NDEL1: variants seen among roughly 807,000 people sequenced by gnomAD.
NDEL1 encodes nudE neurodevelopment protein 1 like 1, also known as nuclear distribution protein nudE-like 1.
A neutral mutation model predicts 45.7 loss-of-function variants in NDEL1; 9 were observed. That is an observed-to-expected ratio of 0.20 (90% confidence interval 0.12 to 0.34). The LOEUF (loss-of-function observed/expected upper bound fraction) is 0.34. NDEL1 is among the 10% of genes least tolerant of loss of function. The pLI, the probability that NDEL1 is intolerant of heterozygous loss-of-function variation, is 1.00. For missense variants in NDEL1, 306 were observed against 406.2 expected (o/e 0.75, Z 2.12); for synonymous variants, 133 against 158.6 (o/e 0.84, Z 1.21).
At chr17:8,464,375 T>G (rs1246444133) in intron 8 of NDEL1, 1 of 152,264 alleles carries the variant, frequency 6.6e-6, no homozygotes, top group Non-Finnish European at 1.5e-5. Flanking sequence ...AAACTGAATC[T>G]GTTGAATATA....
chr17:8,423,472 C>T (rs1908751707), intron 1 of NDEL1, among the ~76,000 whole-genome samples: 1 of 152,050 alleles, frequency 6.6e-6, no homozygotes, highest in Non-Finnish European at 1.5e-5. Flanking sequence ...TTGCCTGAGG[C>T]CAGGCGGTAG....
intron 1 of NDEL1, among the ~76,000 whole-genome samples, chr17:8,419,960 C>T (rs904076726): frequency 7.9e-5 from 12 of 152,100 alleles, no homozygotes; most frequent in African/African-American, 2.4e-4. Context: ...AATAGCTTAA[C>T]GGAGAGAAAA....
At chr17:8,432,940 A>G (rs1948679638), upstream of NDEL1, among the ~76,000 whole-genome samples, 1 of 152,186 alleles carries the variant, frequency 6.6e-6, no homozygotes, top group African/African-American at 2.4e-5. Flanking sequence ...CCCTCCAGAA[A>G]GCAAAATGCC....
At chr17:8,420,372 T>C (rs767062210) in intron 1 of NDEL1, among the ~76,000 whole-genome samples, 1 of 152,226 alleles carries the variant, frequency 6.6e-6, no homozygotes, top group African/African-American at 2.4e-5. Flanking sequence ...ATACTAAATA[T>C]TCAATAAATG....
chr17:8,466,828 A>C, intron 8 of NDEL1, 102 bp from the exon 9 acceptor site: 1 of 1,159,838 alleles, frequency 8.6e-7, no homozygotes, highest in Non-Finnish European at 1.3e-6. Context: ...CCTGCGAGGA[A>C]TAGTTTTAGA....
intron 1 of NDEL1, among the ~76,000 whole-genome samples, chr17:8,418,598 G>A (rs1366528934): frequency 6.6e-6 from 1 of 151,706 alleles, no homozygotes; most frequent in Non-Finnish European, 1.5e-5. Context: ...TTAATGTATG[G>A]CCAGCTCTAT....
chr17:8,427,262 A>G (rs1012274567), intron 1 of NDEL1, among the ~76,000 whole-genome samples: 2 of 152,216 alleles, frequency 1.3e-5, no homozygotes, highest in African/African-American at 4.8e-5. Flanking sequence ...AGGATGCAAT[A>G]AAGACAACAA....
intron 1 of NDEL1, among the ~76,000 whole-genome samples, chr17:8,421,302 T>C (rs1372349053): frequency 1.3e-5 from 2 of 152,180 alleles, no homozygotes; most frequent in Non-Finnish European, 2.9e-5. Context: ...CCAGAACCTG[T>C]ATGTTACCTT....
At chr17:8,466,142 CATTAT>C (rs895841122) in intron 8 of NDEL1, 1 of 152,058 alleles carries the variant, frequency 6.6e-6, no homozygotes, top group Non-Finnish European at 1.5e-5. Context: ...TGTATTAATA[CATTAT>C]ATTTGGAAAA....
At chr17:8,451,208 G>A (rs568255659) in intron 6 of NDEL1, among the ~76,000 whole-genome samples, 3 of 152,250 alleles carry the variant, frequency 2.0e-5, no homozygotes, top group Admixed American at 6.5e-5. Context: ...TTTGATGATA[G>A]CAATAGATTT....
intron 1 of NDEL1, among the ~76,000 whole-genome samples, chr17:8,437,956 G>T (rs942391176): frequency 1.3e-5 from 2 of 151,866 alleles, no homozygotes; most frequent in African/African-American, 4.8e-5. Flanking sequence ...GGCGGGCAGA[G>T]AATAATAATT....
chr17:8,437,841 A>G (rs1434546033), intron 1 of NDEL1, among the ~76,000 whole-genome samples: 1 of 142,084 alleles, frequency 7.0e-6, no homozygotes, highest in Non-Finnish European at 1.5e-5. Flanking sequence ...TTGTTGCTAG[A>G]TTTCTGAAGG....
At chr17:8,457,976 A>C (rs1297902035) in intron 7 of NDEL1, among the ~76,000 whole-genome samples, 2 of 152,200 alleles carry the variant, frequency 1.3e-5, no homozygotes, top group Non-Finnish European at 2.9e-5. Context: ...TACATATTAC[A>C]TACTTTAAAG....
At chr17:8,437,775 T>C (rs1388590124) in intron 1 of NDEL1, among the ~76,000 whole-genome samples, 1 of 152,212 alleles carries the variant, frequency 6.6e-6, no homozygotes, top group Non-Finnish European at 1.5e-5. Flanking sequence ...CAAAGAATAA[T>C]TTCCTTGTAA....
chr17:8,469,174 G>A (rs1017848701), downstream of NDEL1, among the ~76,000 whole-genome samples: 10 of 152,190 alleles, frequency 6.6e-5, no homozygotes, highest in African/African-American at 2.4e-4. Flanking sequence ...GCTTGGCTGA[G>A]CTGCAGTGCT....
chr17:8,448,719 C>CGGGCGCGGTGG (rs757862406), intron 5 of NDEL1, 33 bp downstream of exon 5: 1 of 1,578,410 alleles, frequency 6.3e-7, no homozygotes, highest in Admixed American at 1.8e-5. Flanking sequence ...TACAGTTGAC[C>CGGGCGCGGTGG]CTTGAACAAC....
chr17:8,473,136 T>TGACGTGGAAACTG (rs1443083046), downstream of NDEL1, among the ~76,000 whole-genome samples: 3 of 152,112 alleles, frequency 2.0e-5, no homozygotes, highest in African/African-American at 7.2e-5. Context: ...GCACGCTGAG[T>TGACGTGGAAACTG]AGTTGGGAAA....
chr17:8,420,122 T>C (rs1908666201), intron 1 of NDEL1, among the ~76,000 whole-genome samples: 1 of 152,238 alleles, frequency 6.6e-6, no homozygotes, highest in South Asian at 2.1e-4. Flanking sequence ...CTTCTACGTC[T>C]GAGGGTCTAT....
At chr17:8,447,901 T>C (rs1910184800) in intron 4 of NDEL1, among the ~76,000 whole-genome samples, 1 of 134,496 alleles carries the variant, frequency 7.4e-6, no homozygotes, top group Admixed American at 9.1e-5. Context: ...ACTATGTTAA[T>C]ACCCTAGTAA....
Sources: allele counts gnomAD v4.1 joint callset (sites outside exome capture counted in the v4.1 genomes callset), GRCh38; gene constraint gnomAD v4.1.1; transcripts MANE v1.5; gene names NCBI Gene and HGNC (gene_info 2026-07-23, HGNC 2026-07-21).